The following GRM7 variants were observed in gnomAD, a reference collection of about 807,000 sequenced individuals.
GRM7 encodes the protein glutamate metabotropic receptor 7, also known as metabotropic glutamate receptor 7.
In GRM7, 35 loss-of-function variants were observed where a neutral mutation model predicts 84.5. The ratio of observed to expected loss-of-function variants is 0.41; its 90% CI spans 0.32 to 0.55. GRM7 has a LOEUF of 0.55. GRM7 is among the 20% of genes least tolerant of loss of function. The pLI is 0.19. For synonymous variants in GRM7, 487 were observed against 455.1 expected (o/e 1.07, Z -0.89); for missense variants, 1,003 against 1,194.6 (o/e 0.84, Z 2.36).
intron 7 of GRM7, among the ~76,000 whole-genome samples, chr3:7,576,456 C>A (rs1694968040): frequency 6.6e-6 from 1 of 152,112 alleles, no homozygotes; most frequent in South Asian, 2.1e-4. Flanking sequence ...AACTCCTGAG[C>A]CATTTATTTT....
rs920429890 is a variant in GRM7, at chr3:7,411,061, GTTC to G, written c.1034-3955_1034-3953del. 1.4e-4 allele frequency among the ~76,000 whole-genome samples: 22 copies of G among 152,060 alleles called. No individual in the cohort carries two copies. The East Asian group carries it at 2.3e-3, about 16-fold the overall frequency. Reference sequence around the variant, plus strand: ...CTTGTGGCTGCAATACCCCATCTGTGTTCTTCTTCACATCTCCTTCTCGCCTTC... The same window carrying G: ...CTTGTGGCTGCAATACCCCATCTGTGTTCTTCACATCTCCTTCTCGCCTTC... On this transcript the variant is annotated intron_variant, in intron 4 of 9. Coordinates refer to ENST00000357716, the MANE Select transcript of GRM7 (RefSeq NM_000844.4).
At chr3:6,888,747 A>C (rs189675852) in intron 1 of GRM7, among the ~76,000 whole-genome samples, 3,885 of 152,200 alleles carry the variant, frequency 0.026, 178 homozygotes, top group African/African-American at 0.088. Context: ...ACTTTAAAGT[A>C]GTTTTTTCCA....
chr3:7,100,538 A>C (rs1161003903), intron 1 of GRM7, among the ~76,000 whole-genome samples: 2 of 151,852 alleles, frequency 1.3e-5, no homozygotes, highest in Non-Finnish European at 2.9e-5. Flanking sequence ...AATGTTAATG[A>C]GTGTACTGTG....
intron 1 of GRM7, among the ~76,000 whole-genome samples, chr3:7,115,483 A>G (rs1321594951): frequency 6.6e-6 from 1 of 152,118 alleles, no homozygotes; most frequent in African/African-American, 2.4e-5. Flanking sequence ...TGCCAATGAG[A>G]TAGATATATA....
At chr3:7,150,642 G>C (rs1694257133) in intron 2 of GRM7, among the ~76,000 whole-genome samples, 2 of 152,254 alleles carry the variant, frequency 1.3e-5, no homozygotes, top group African/African-American at 2.4e-5. Context: ...AAATTGCCCT[G>C]TTTATTTGAA....
intron 8 of GRM7, among the ~76,000 whole-genome samples, chr3:7,610,617 A>G (rs1696806692): frequency 6.6e-6 from 1 of 152,220 alleles, no homozygotes. Context: ...CAGGAAAAAC[A>G]TCAGCTATTG....
intron 2 of GRM7, among the ~76,000 whole-genome samples, chr3:7,233,222 C>G (rs192205511): frequency 7.8e-4 from 119 of 152,238 alleles, no homozygotes; most frequent in South Asian, 6.2e-4. Flanking sequence ...ACATTTTGAA[C>G]AGAGGAAGCC....
intron 7 of GRM7, chr3:7,520,234 C>G (rs1439480787): frequency 6.6e-6 from 1 of 152,116 alleles, no homozygotes; most frequent in Non-Finnish European, 1.5e-5. Flanking sequence ...AACACATTGT[C>G]TTCCCAGAAG....
At chr3:6,957,777 T>C (rs1407512316) in intron 1 of GRM7, among the ~76,000 whole-genome samples, 1 of 152,198 alleles carries the variant, frequency 6.6e-6, no homozygotes, top group Non-Finnish European at 1.5e-5. Context: ...ATGTAATAAG[T>C]GGTGAGAAAA....
chr3:7,179,769 A>C (rs1473977181), intron 2 of GRM7, among the ~76,000 whole-genome samples: 4 of 152,202 alleles, frequency 2.6e-5, no homozygotes, highest in Non-Finnish European at 5.9e-5. Context: ...CATGCCACTA[A>C]GTCATATTTA....
At chr3:7,224,361 G>A (rs1280428519) in intron 2 of GRM7, among the ~76,000 whole-genome samples, 1 of 152,166 alleles carries the variant, frequency 6.6e-6, no homozygotes, top group Admixed American at 6.5e-5. Context: ...ATCAAAGGGG[G>A]ATGGTGCTAA....
intron 4 of GRM7, among the ~76,000 whole-genome samples, chr3:7,346,045 A>T (rs1221939646): frequency 2.6e-5 from 4 of 152,144 alleles, no homozygotes; most frequent in Non-Finnish European, 5.9e-5. Context: ...ATTAAGAGTT[A>T]GTCTCTAATT....
chr3:7,429,001 G>A (rs1024682918), intron 5 of GRM7, among the ~76,000 whole-genome samples: 1 of 152,136 alleles, frequency 6.6e-6, no homozygotes, highest in Non-Finnish European at 1.5e-5. Flanking sequence ...GAGGGGAATT[G>A]CTTTCTTGGG....
At chr3:6,944,010 G>C (rs1321966700) in intron 1 of GRM7, among the ~76,000 whole-genome samples, 1 of 151,690 alleles carries the variant, frequency 6.6e-6, no homozygotes, top group Non-Finnish European at 1.5e-5. Context: ...TGTACATTTG[G>C]TTTTGTATAC....
At chr3:7,075,529 TG>T in intron 1 of GRM7, among the ~76,000 whole-genome samples, 2 of 131,302 alleles carry the variant, frequency 1.5e-5, no homozygotes, top group African/African-American at 5.2e-5. Context: ...TGTGTGTGTG[TG>T]TGTGTGTGTG....
At chr3:7,428,987 T>G (rs1225459498) in intron 5 of GRM7, among the ~76,000 whole-genome samples, 1 of 152,162 alleles carries the variant, frequency 6.6e-6, no homozygotes, top group African/African-American at 2.4e-5. Flanking sequence ...TGCTTCTTCT[T>G]TTTGAGGGGA....
At chr3:6,883,131 A>G (rs1456706616) in intron 1 of GRM7, among the ~76,000 whole-genome samples, 1 of 152,168 alleles carries the variant, frequency 6.6e-6, no homozygotes, top group Non-Finnish European at 1.5e-5. Context: ...GACCTACATG[A>G]TTCTAACTAT....
intron 7 of GRM7, among the ~76,000 whole-genome samples, chr3:7,461,956 A>G (rs929685958): frequency 3.3e-5 from 5 of 152,114 alleles, no homozygotes; most frequent in Non-Finnish European, 7.4e-5. Flanking sequence ...GAATTATCTC[A>G]TTTAATCTGA....
At chr3:7,071,732 A>G (rs1697889201) in intron 1 of GRM7, among the ~76,000 whole-genome samples, 1 of 152,148 alleles carries the variant, frequency 6.6e-6, no homozygotes, top group East Asian at 1.9e-4. Context: ...TACTTTCTTG[A>G]CAATCACTGG....
Sources: gnomAD v4.1 joint callset for allele counts (sites outside exome capture counted in the v4.1 genomes callset) on GRCh38, gnomAD v4.1.1 for gene constraint, MANE v1.5 for transcripts, NCBI Gene and HGNC (gene_info 2026-07-23, HGNC 2026-07-21) for gene names.